HLTF: variants seen among roughly 807,000 people sequenced by gnomAD.
The protein encoded by HLTF is helicase like transcription factor.
A neutral mutation model predicts 129.4 loss-of-function variants in HLTF; 127 were observed. The observed-to-expected ratio is 0.98, with a 90% CI of 0.85 to 1.14. HLTF has a LOEUF of 1.14. Among genes scored for constraint, HLTF ranks in the 50% most tolerant of loss-of-function variants. The probability of loss-of-function intolerance (pLI) is 0.00; values close to 1 mark genes in which losing one functional copy is unlikely to be tolerated. For synonymous variants in HLTF, 332 were observed against 388.8 expected (o/e 0.85, Z 1.72); for missense variants, 1,139 against 1,187.1 (o/e 0.96, Z 0.60).
chr3:149,059,426 A>T (rs1441431427), intron 13 of HLTF: 3 of 465,440 alleles, frequency 6.4e-6, no homozygotes, highest in Non-Finnish European at 1.2e-5. Flanking sequence ...TTAAGCTTTA[A>T]AGCAGCCACA....
At chr3:149,059,846 T>C (rs762399183) in intron 12 of HLTF, 39 bp from the exon 13 acceptor site, 1 of 1,316,418 alleles carries the variant, frequency 7.6e-7, no homozygotes, top group East Asian at 2.3e-5. Flanking sequence ...TTTTTCAAAT[T>C]ATCTCCTGTG....
intron 9 of HLTF, 77 bp from the exon 10 acceptor site, chr3:149,063,601 G>A: frequency 1.3e-6 from 1 of 775,196 alleles, no homozygotes; most frequent in Non-Finnish European, 2.1e-6. Context: ...TTAAAACCTT[G>A]GTTTTCTAAT....
intron 24 of HLTF, among the ~76,000 whole-genome samples, chr3:149,032,957 CAAAAAAAAAAA>C (rs67952189): frequency 1.5e-5 from 1 of 67,708 alleles, no homozygotes; most frequent in African/African-American, 5.7e-5. Flanking sequence ...AGCGACGTCT[CAAAAAAAAAAA>C]AAAAAAAAAC....
In HLTF at chr3:149,084,689, G is replaced by A. The variant is rs1559887664; in HGVS notation, c.221C>T (p.Thr74Met). The A allele has an allele frequency of 1.9e-6, 3 of 1,601,986 alleles. No individual in the cohort carries two copies. Among genetic ancestry groups the A allele is most frequent in the Non-Finnish European group, 2.6e-6 (3 of 1,169,148 alleles). The change falls in exon 2 of 25, where the codon ACG (threonine) becomes ATG (methionine). Residue 74 changes from threonine to methionine, a missense_variant. Thr to Met is a moderately conservative substitution (Grantham distance 81, BLOSUM62 -1). Coordinates refer to ENST00000310053, the MANE Select transcript of HLTF (RefSeq NM_003071.4). ...RGHVVGLRYYTGVVNNNEMVA... is the reference protein window; with the variant it reads ...RGHVVGLRYYMGVVNNNEMVA... ...ATCTACTATTATACTCACTACTCCC[G>A]TGTAATAGCGTAGTCCAACCACATG...
At position 149,076,010 on chromosome 3, in the gene HLTF, G is replaced by C. The variant is rs771501750; in HGVS notation, c.266C>G (p.Pro89Arg). Reference sequence around the variant, plus strand: ...TGCATTCTTATCATAAGGGTTATTAGGATCTCGTTGTAATGCAACCATTTC... The same window carrying C: ...TGCATTCTTATCATAAGGGTTATTACGATCTCGTTGTAATGCAACCATTTC... ...NNEMVALQRD[P>R]NNPYDKNAIK... The change falls in exon 3 of 25, where the codon CCT becomes CGT. Residue 89 changes from proline (P) to arginine (R), a missense_variant. Pro to Arg is a moderately radical substitution (Grantham distance 103). Coordinates refer to ENST00000310053, the MANE Select transcript of HLTF (RefSeq NM_003071.4). The C allele has an allele frequency of 1.3e-6, 2 of 1,502,342 alleles. No individual in the cohort carries two copies. Among genetic ancestry groups the C allele is most frequent in the Admixed American group, 1.7e-5 (1 of 57,822 alleles). The allele number at this position is 1,502,342 out of a possible 1,614,324, so 93.1% of individuals were successfully genotyped here.
In HLTF at chr3:149,063,513, A is replaced by T; in HGVS notation, c.1078T>A (p.Cys360Ser). 2 of 1,597,542 alleles carry T rather than the reference A, an allele frequency of 1.3e-6. No individual in the cohort carries two copies. The highest frequency in any genetic ancestry group is 1.7e-6 in the Non-Finnish European group (2 of 1,165,084). The change falls in exon 10 of 25, where the codon TGT becomes AGT. Residue 360 changes from cysteine to serine, a missense_variant. Physicochemically the swap from Cys to Ser is moderately radical, Grantham distance 112. Coordinates refer to ENST00000310053, the MANE Select transcript of HLTF (RefSeq NM_003071.4). ...ADGLSKDASR[C>S]SEQPSISDIK... ...TCTGAAATACTGGGTTGTTCACTAC[A>T]TCTAGATGCGTCTATTTCAAAGAAA...
At chr3:149,076,103 G>T in intron 2 of HLTF, 56 bp from the exon 3 acceptor site, 1 of 655,292 alleles carries the variant, frequency 1.5e-6, no homozygotes. Context: ...CAATAACTTT[G>T]TTATACTTTA....
chr3:149,057,745 T>C (rs746200995), intron 13 of HLTF, among the ~76,000 whole-genome samples: 8 of 152,230 alleles, frequency 5.3e-5, no homozygotes, highest in Non-Finnish European at 7.3e-5. Context: ...TTTACACTTA[T>C]TAGTATTTGT....
In HLTF at chr3:149,042,173, G is replaced by T. The variant is rs886410241; in HGVS notation, c.2190C>A (p.Gly730=). 2 of 1,612,924 alleles carry T rather than the reference G, an allele frequency of 1.2e-6. No individual in the cohort carries two copies. The highest frequency in any genetic ancestry group is 2.7e-5 in the African/African-American group (2 of 75,006). Residue 730 remains glycine, a synonymous_variant, in exon 19 of 25, where the codon GGC becomes GGA. Coordinates refer to ENST00000310053, the MANE Select transcript of HLTF (RefSeq NM_003071.4). ...YLLTNAVSSN[G]PSGNDTPEEL... ...GCAATCAAATTTACCTACCTGAGGG[G>T]CCATTGGAAGACACTGCATTTGTAA...
chr3:149,083,980 A>G (rs1042107624), intron 2 of HLTF, among the ~76,000 whole-genome samples: 4 of 152,048 alleles, frequency 2.6e-5, no homozygotes, highest in Non-Finnish European at 5.9e-5. Context: ...CACTGGCCTG[A>G]GAATTCTATG....
chr3:149,067,927 T>C (rs1718536687), intron 8 of HLTF, among the ~76,000 whole-genome samples: 1 of 152,112 alleles, frequency 6.6e-6, no homozygotes, highest in African/African-American at 2.4e-5. Flanking sequence ...GTAGATGGCT[T>C]GAGCTCATGA....
At position 149,068,308 on chromosome 3, in the gene HLTF, T is replaced by C. The variant is rs1243802454; in HGVS notation, c.922A>G (p.Ile308Val). Residue 308 changes from isoleucine to valine, a missense_variant, in exon 8 of 25, where the codon ATC becomes GTC. Transcript: ENST00000310053. ...CTGCCATCATGGAAGTTGGTAAGGA[T>C]TACTGCAATGGCCGTAAGAGTTTTA... ...LGKTLTAIAV[I>V]LTNFHDGRPL... 1 of 1,561,450 alleles carries C rather than the reference T, an allele frequency of 6.4e-7. No individual in the cohort carries two copies. Among genetic ancestry groups the C allele is most frequent in the East Asian group, 2.3e-5 (1 of 44,384 alleles).
chr3:149,085,108 T>C (rs1470762117), intron 1 of HLTF, among the ~76,000 whole-genome samples: 2 of 152,198 alleles, frequency 1.3e-5, no homozygotes, highest in East Asian at 1.9e-4. Flanking sequence ...ACCTGCCCCC[T>C]AGGTATTCAA....
Position 149,046,177 on chromosome 3 carries a change from G to GT in HLTF, c.1974dup (p.Pro659ThrfsTer4). On this transcript the variant is annotated frameshift_variant, in exon 18 of 25. Transcript: ENST00000310053. LOFTEE classifies it high-confidence loss of function. Reference sequence around the variant, plus strand: ...TGCTGAATAAATACTTTACGTTCTGGTAACTCCAAAACAGGTTTTCCTTTA... The same window carrying GT: ...TGCTGAATAAATACTTTACGTTCTGGTTAACTCCAAAACAGGTTTTCCTTTA... 6.2e-7 allele frequency: 1 copy of GT among 1,608,446 alleles called. No individual in the cohort carries two copies. The highest frequency in any genetic ancestry group is 8.5e-7 in the Non-Finnish European group (1 of 1,176,082).
chr3:149,041,384 A>G, intron 20 of HLTF, 106 bp downstream of exon 20: 1 of 559,624 alleles, frequency 1.8e-6, no homozygotes, highest in Non-Finnish European at 2.9e-6. Context: ...TATCAAAGGT[A>G]TATTATTAAA....
chr3:149,045,003 C>T (rs974704808), intron 18 of HLTF, among the ~76,000 whole-genome samples: 6 of 152,124 alleles, frequency 3.9e-5, no homozygotes, highest in African/African-American at 7.2e-5. Flanking sequence ...AATCAGATTA[C>T]GTCCCTCTCC....
Position 149,031,569 on chromosome 3 carries a change from T to C in HLTF, c.*651A>G, listed in dbSNP as rs1715050982. 1 of 152,528 alleles carries C rather than the reference T, an allele frequency of 6.6e-6. No individual in the cohort carries two copies. Among genetic ancestry groups the C allele is most frequent in the South Asian group, 2.1e-4 (1 of 4,830 alleles). The allele number at this position is 152,528 out of a possible 1,614,324, so 9.4% of individuals were successfully genotyped here. A position where few individuals can be genotyped will look rare whatever the true frequency, so the allele number is the denominator to read the frequency against. On this transcript the variant is annotated 3_prime_UTR_variant, in exon 25 of 25. Coordinates refer to ENST00000310053, the MANE Select transcript of HLTF (RefSeq NM_003071.4). ...TTTAAACAATGAGTGTAGTACTACT[T>C]AACTAAAATGGAAAAAATAGTACTC...
At chr3:149,071,740 A>C (rs1156844305) in intron 5 of HLTF, 83 bp from the exon 6 acceptor site, 1 of 908,224 alleles carries the variant, frequency 1.1e-6, no homozygotes, top group Non-Finnish European at 1.7e-6. Flanking sequence ...GAAATCATTT[A>C]ATTAACTGGC....
At chr3:149,064,028 T>C (rs562775707) in intron 9 of HLTF, among the ~76,000 whole-genome samples, 2 of 152,266 alleles carry the variant, frequency 1.3e-5, no homozygotes, top group South Asian at 2.1e-4. Context: ...TATTTCACTT[T>C]ACAAAGAAAA....
Sources: allele counts gnomAD v4.1 joint callset (sites outside exome capture counted in the v4.1 genomes callset), GRCh38; gene constraint gnomAD v4.1.1; transcripts MANE v1.5; gene names NCBI Gene and HGNC (gene_info 2026-07-23, HGNC 2026-07-21).